The following TRPC5 variants were observed in gnomAD, a reference collection of about 807,000 sequenced individuals.
The protein encoded by TRPC5 is transient receptor potential cation channel subfamily C member 5.
A neutral mutation model predicts 56.5 loss-of-function variants in TRPC5; 9 were observed. The ratio of observed to expected loss-of-function variants is 0.16; its 90% CI spans 0.10 to 0.28. The LOEUF (loss-of-function observed/expected upper bound fraction) is 0.28, where lower values mean the gene tolerates loss of function less well. Ranked by LOEUF, TRPC5 falls within the 10% of genes least tolerant of loss-of-function variation. TRPC5 has a pLI of 1.00. For synonymous variants in TRPC5, 282 were observed against 278.5 expected (o/e 1.01, Z -0.13); for missense variants, 469 against 748.9 (o/e 0.63, Z 4.36).
Position 111,904,576 on chromosome X carries a change from T to C in TRPC5, c.900+7715A>G, listed in dbSNP as rs370202317. Among the ~76,000 whole-genome samples the C allele has an allele frequency of 1.0e-4, 11 of 109,515 alleles. No individual in the cohort carries two copies. The East Asian group carries it at 1.4e-3, about 14-fold the overall frequency. On this transcript the variant is annotated intron_variant, in intron 3 of 10. Coordinates refer to ENST00000262839, the MANE Select transcript of TRPC5 (RefSeq NM_012471.3). ...CATGTTCCCTCGTATAAGTGGGAGC[T>C]GAACTATGAGAACACATGGACACAG... is the stretch of plus-strand genomic sequence containing the variant.
chrX:111,944,844 T>G (rs1926893034), intron 2 of TRPC5, among the ~76,000 whole-genome samples: 1 of 110,869 alleles, frequency 9.0e-6, no homozygotes, highest in Admixed American at 9.6e-5. Context: ...GAACAGATTC[T>G]CCCTCCAGAA....
chrX:111,821,784 G>A (rs774618415), intron 7 of TRPC5, among the ~76,000 whole-genome samples: 1 of 112,257 alleles, frequency 8.9e-6, no homozygotes, highest in South Asian at 3.8e-4. Context: ...ATGACCTTTG[G>A]GCCATGGACA....
chrX:111,914,953 G>C (rs1352867298), intron 2 of TRPC5, among the ~76,000 whole-genome samples: 1 of 111,217 alleles, frequency 9.0e-6, no homozygotes, highest in Non-Finnish European at 1.9e-5. Context: ...GGGTCTAAAA[G>C]TGTTGAGCAG....
At chrX:112,048,399 CAAAAAA>C (rs58537492) in intron 1 of TRPC5, among the ~76,000 whole-genome samples, 36 of 21,481 alleles carry the variant, frequency 1.7e-3, no homozygotes, top group African/African-American at 5.3e-3. Context: ...GACTCCGTAT[CAAAAAA>C]AAAAAAAAAA....
intron 1 of TRPC5, among the ~76,000 whole-genome samples, chrX:111,980,407 G>A (rs1350115581): frequency 1.8e-5 from 2 of 110,858 alleles, no homozygotes; most frequent in Admixed American, 1.9e-4. Flanking sequence ...GAGTTTAATG[G>A]GATATATGTC....
intron 1 of TRPC5, among the ~76,000 whole-genome samples, chrX:112,009,805 T>C (rs1317890738): frequency 9.0e-6 from 1 of 110,573 alleles, no homozygotes; most frequent in Non-Finnish European, 1.9e-5. Flanking sequence ...ATGAGAACAC[T>C]TGGACACAGG....
intron 1 of TRPC5, among the ~76,000 whole-genome samples, chrX:111,965,833 A>C (rs1252161148): frequency 3.6e-5 from 4 of 111,579 alleles, no homozygotes; most frequent in Non-Finnish European, 7.5e-5. Flanking sequence ...CAGTGTGTAG[A>C]GGGAAATTTA....
At chrX:112,028,911 A>G (rs1929505552) in intron 1 of TRPC5, among the ~76,000 whole-genome samples, 1 of 111,941 alleles carries the variant, frequency 8.9e-6, no homozygotes. Flanking sequence ...AAGTGTTCCT[A>G]TTTCTCCACA....
chrX:111,848,630 A>G (rs1019185799), intron 5 of TRPC5, among the ~76,000 whole-genome samples: 1 of 112,380 alleles, frequency 8.9e-6, no homozygotes, highest in Non-Finnish European at 1.9e-5. Context: ...CATTTCTAAA[A>G]TGTGCTTCAG....
intron 5 of TRPC5, among the ~76,000 whole-genome samples, chrX:111,848,335 TG>T (rs1391574315): frequency 2.7e-5 from 3 of 111,757 alleles, no homozygotes; most frequent in Non-Finnish European, 5.6e-5. Context: ...TAAAACTGCC[TG>T]TATCTTTTAA....
chrX:111,844,755 G>A (rs1366325260), intron 6 of TRPC5, among the ~76,000 whole-genome samples: 4 of 110,202 alleles, frequency 3.6e-5, no homozygotes, highest in African/African-American at 9.9e-5. Context: ...GTGGGTCACC[G>A]CGACTGGCCT....
intron 1 of TRPC5, among the ~76,000 whole-genome samples, chrX:112,042,352 C>T (rs1270544533): frequency 1.8e-5 from 2 of 111,091 alleles, no homozygotes; most frequent in African/African-American, 6.6e-5. Flanking sequence ...CCACATTGGA[C>T]CTGGGGACTC....
At chrX:111,896,008 G>A (rs1925043058) in intron 3 of TRPC5, 1 of 111,203 alleles carries the variant, frequency 9.0e-6, no homozygotes, top group Non-Finnish European at 1.9e-5. Flanking sequence ...TCTAGAGGGA[G>A]AATTTGTCTC....
At chrX:111,985,428 C>G (rs1015332142) in intron 1 of TRPC5, among the ~76,000 whole-genome samples, 33 of 112,108 alleles carry the variant, frequency 2.9e-4, no homozygotes, top group African/African-American at 1.0e-3. Context: ...GAGCCAGTGT[C>G]TTGTAGTCCC....
At chrX:111,951,903 A>T in intron 2 of TRPC5, 140 bp downstream of exon 2, 1 of 917,012 alleles carries the variant, frequency 1.1e-6, no homozygotes, top group Non-Finnish European at 1.5e-6. Context: ...TAGCTCCAGG[A>T]TGCTACCTGA....
rs1393559822 is a variant in TRPC5 at position 111,843,962 on chromosome X, G to A, written c.1700+3152C>T. ...TGAGAGAGAGACAGAGAGAGAAAGA[G>A]AGAGAGGTATTCAAGGGATACTTCG... On this transcript the variant is annotated intron_variant, in intron 6 of 10. Coordinates refer to ENST00000262839, the MANE Select transcript of TRPC5 (RefSeq NM_012471.3). Among the ~76,000 whole-genome samples the A allele has an allele frequency of 2.0e-4, 21 of 107,383 alleles. No homozygotes were observed. The Admixed American group carries it at 2.1e-3, about 11-fold the overall frequency. The allele number at this position is 107,383 out of a possible 115,157, so 93.2% of individuals were successfully genotyped here. A position where few individuals can be genotyped will look rare whatever the true frequency, so the allele number is the denominator to read the frequency against.
chrX:111,966,620 G>T (rs1384142350), intron 1 of TRPC5, among the ~76,000 whole-genome samples: 1 of 111,752 alleles, frequency 8.9e-6, no homozygotes, highest in African/African-American at 3.3e-5. Flanking sequence ...ACATCAAAAA[G>T]CTTATCCACC....
intron 1 of TRPC5, among the ~76,000 whole-genome samples, chrX:111,964,872 G>C (rs976399520): frequency 1.5e-4 from 17 of 111,915 alleles, no homozygotes; most frequent in Non-Finnish European, 2.8e-4. Context: ...GCAAAAACAT[G>C]CTAAAATGTA....
chrX:111,996,564 C>G (rs1396836038), intron 1 of TRPC5, among the ~76,000 whole-genome samples: 1 of 111,068 alleles, frequency 9.0e-6, no homozygotes, highest in African/African-American at 3.3e-5. Context: ...TCTTTGGTGT[C>G]TAATATTGAC....
Sources: gnomAD v4.1 joint callset for allele counts (sites outside exome capture counted in the v4.1 genomes callset) on GRCh38, gnomAD v4.1.1 for gene constraint, MANE v1.5 for transcripts, NCBI Gene and HGNC (gene_info 2026-07-23, HGNC 2026-07-21) for gene names.